ADGRB1: variants seen among roughly 807,000 people sequenced by gnomAD.
The protein encoded by ADGRB1 is brain-specific angiogenesis inhibitor 1.
Under a neutral mutation model 175.7 loss-of-function variants are expected in ADGRB1, and 36 were observed. That is an observed-to-expected ratio of 0.20 (90% CI 0.16 to 0.27). The LOEUF (loss-of-function observed/expected upper bound fraction) is 0.27. ADGRB1 is among the 10% of genes least tolerant of loss of function. ADGRB1 has a pLI of 1.00. For synonymous variants in ADGRB1, 1,054 were observed against 979.4 expected, an observed-to-expected ratio of 1.08 and a Z score of -1.42; for missense variants, 1,731 against 2,255.3, an observed-to-expected ratio of 0.77 and a Z score of 4.71.
At chr8:142,512,743 G>C (rs185006455) in intron 18 of ADGRB1, among the ~76,000 whole-genome samples, 1 of 152,240 alleles carries the variant, frequency 6.6e-6, no homozygotes, top group Non-Finnish European at 1.5e-5. Flanking sequence ...TCCCAGGAAC[G>C]GGGCAGTCCC....
rs1845425070 is a variant in ADGRB1 at position 142,543,733 on chromosome 8, GT to G, written c.4557+26del. 6.9e-7 allele frequency: 1 copy of G among 1,456,050 alleles called. No individual in the cohort carries two copies. Among genetic ancestry groups the G allele is most frequent in the Non-Finnish European group, 9.4e-7 (1 of 1,062,206 alleles). 90.2% of individuals were successfully genotyped at this position (1,456,050 alleles called of 1,614,324 possible). A position where few individuals can be genotyped will look rare whatever the true frequency, so the allele number is the denominator to read the frequency against. On this transcript the variant is annotated intron_variant, in intron 30 of 30. Transcript: ENST00000517894. This position sits in a 1 kb window ranked among gnomAD's most constrained non-coding sequence, Gnocchi z 4.4. ...GGTCTGGAGGGCAGGGAGGGGCGGG[GT>G]GGGGAGAGCCCTTAGGTCAGGCCAC...
Position 142,542,508 on chromosome 8 carries a change from C to G in ADGRB1, c.4274C>G (p.Pro1425Arg). ...CCACCGCCACCACCTCCCCAGCAGC[C>G]CCTGCCCCCACCGCCCAATCTGGAG... ...PPPPPPPPQQ[P>R]LPPPPNLEPA... Residue 1425 changes from proline to arginine, a missense_variant, in exon 28 of 31, where the codon CCC becomes CGC. Physicochemically the swap from Pro to Arg is moderately radical, Grantham distance 103. Around this residue, in one of 8 missense-constraint regions of ADGRB1, gnomAD observed 394 missense variants for 410.2 expected, o/e 0.96. Transcript: ENST00000517894. The surrounding 1 kb of genome is among the most constrained non-coding windows in gnomAD (Gnocchi z 6.3). 7.0e-7 allele frequency: 1 copy of G among 1,437,806 alleles called. No individual in the cohort carries two copies. The highest frequency in any genetic ancestry group is 9.2e-7 in the Non-Finnish European group (1 of 1,092,854). The allele number at this position is 1,437,806 out of a possible 1,614,324, so 89.1% of individuals were successfully genotyped here. A position where few individuals can be genotyped will look rare whatever the true frequency, so the allele number is the denominator to read the frequency against.
Position 142,464,082 on chromosome 8 carries a change from C to CCCCCA in ADGRB1, c.-114_-113insCACCC. 8.9e-6 allele frequency: 3 copies of CCCCCA among 337,448 alleles called. No homozygotes were observed. Among genetic ancestry groups the CCCCCA allele is most frequent in the Non-Finnish European group, 1.3e-5 (3 of 222,264 alleles). 20.9% of individuals were successfully genotyped at this position (337,448 alleles called of 1,614,324 possible). A position where few individuals can be genotyped will look rare whatever the true frequency, so the allele number is the denominator to read the frequency against. ...GGGGCCCTCTCCCATCCCACCCTTGCCCCGCCTCCCTGCCCCCACCGGGCC... is the reference window on the plus strand; with the variant it reads ...GGGGCCCTCTCCCATCCCACCCTTGCCCCCACCCGCCTCCCTGCCCCCACCGGGCC... On this transcript the variant is annotated 5_prime_UTR_variant, in exon 2 of 31. Transcript: ENST00000517894.
At position 142,489,401 on chromosome 8, in the gene ADGRB1, G is replaced by A. The variant is rs781228120; in HGVS notation, c.2594G>A (p.Arg865His). The change falls in exon 16 of 31, where the codon CGC becomes CAC. Residue 865 changes from arginine to histidine, a missense_variant. Around this residue, in one of 8 missense-constraint regions of ADGRB1, gnomAD observed 388 missense variants for 630.9 expected, o/e 0.61. Transcript: ENST00000517894. Reference protein sequence around the residue: ...VTVKPPPRSLRTPLEIEFAHM... With the variant: ...VTVKPPPRSLHTPLEIEFAHM... ...GTGAAACCCCCGCCTCGCTCCCTGC[G>A]CACACCCTTGGAGATCGAGTTTGCC... The A allele has an allele frequency of 1.8e-5, 29 of 1,612,818 alleles. No individual in the cohort carries two copies. Among genetic ancestry groups the A allele is most frequent in the Middle Eastern group, 1.6e-4 (1 of 6,082 alleles).
chr8:142,529,549 C>G (rs1482372164), intron 24 of ADGRB1, among the ~76,000 whole-genome samples: 1 of 151,952 alleles, frequency 6.6e-6, no homozygotes, highest in African/African-American at 2.4e-5. Context: ...TGCAAGCATG[C>G]ATCTATGTGT....
chr8:142,501,228 CAGT>C (rs1842510026), intron 17 of ADGRB1, among the ~76,000 whole-genome samples: 1 of 152,042 alleles, frequency 6.6e-6, no homozygotes, highest in African/African-American at 2.4e-5. Flanking sequence ...GTTGTGGTGA[CAGT>C]GGTGGTAATG....
chr8:142,524,353 CA>C, intron 23 of ADGRB1, 49 bp downstream of exon 23: 1 of 1,527,888 alleles, frequency 6.5e-7, no homozygotes, highest in Middle Eastern at 2.0e-4. Flanking sequence ...CTGGGCCCCC[CA>C]CCTGCCTCCT....
intron 25 of ADGRB1, among the ~76,000 whole-genome samples, chr8:142,533,706 G>A (rs920032104): frequency 1.2e-4 from 19 of 152,308 alleles, no homozygotes; most frequent in South Asian, 2.1e-4. Flanking sequence ...CCCTGCGCCC[G>A]CACTGGCTTG....
chr8:142,540,982 C>A (rs1035756286), intron 27 of ADGRB1, among the ~76,000 whole-genome samples: 1 of 152,060 alleles, frequency 6.6e-6, no homozygotes, highest in Non-Finnish European at 1.5e-5. Flanking sequence ...GCATTGGTGA[C>A]CCTGGGGCCC....
At chr8:142,536,610 A>G (rs1260098978) in intron 25 of ADGRB1, among the ~76,000 whole-genome samples, 4 of 152,032 alleles carry the variant, frequency 2.6e-5, no homozygotes, top group African/African-American at 9.7e-5. Context: ...GGCTCAGAGG[A>G]GGCAACGACA....
chr8:142,493,857 C>G lies in ADGRB1; in HGVS notation c.2675+3042C>G, dbSNP rs1842093465. 6.6e-6 allele frequency among the ~76,000 whole-genome samples: 1 copy of G among 152,232 alleles called. No homozygotes were observed. The highest frequency in any genetic ancestry group is 6.5e-5 in the Admixed American group (1 of 15,290). On this transcript the variant is annotated intron_variant, in intron 17 of 30. Transcript: ENST00000517894. The surrounding 1 kb of genome is among the most constrained non-coding windows in gnomAD (Gnocchi z 5.0). ...CCCCTCCACTCTGAGTTGGATGGCACCTCCCTTGACTGCTGCAGGGGCCAC... is the reference window on the plus strand; with the variant it reads ...CCCCTCCACTCTGAGTTGGATGGCAGCTCCCTTGACTGCTGCAGGGGCCAC...
At position 142,533,404 on chromosome 8, in the gene ADGRB1, G is replaced by A. The variant is rs1164121347; in HGVS notation, c.3508G>A (p.Ala1170Thr). ...CTCCGCCCTCTTCCAGATCCTCTTC[G>A]CTGTCTTCGACTCGCTGGAGGGCTT... ...RRSALFQILF[A>T]VFDSLEGFVI... Residue 1170 changes from alanine (A) to threonine (T), a missense_variant, in exon 25 of 31, where the codon GCT becomes ACT. By Grantham distance (58) the Ala-to-Thr change is moderately conservative. Coordinates refer to ENST00000517894, the MANE Select transcript of ADGRB1 (RefSeq NM_001702.3). 7 of 1,612,504 alleles carry A rather than the reference G, an allele frequency of 4.3e-6. No individual in the cohort carries two copies. Among genetic ancestry groups the A allele is most frequent in the South Asian group, 3.3e-5 (3 of 91,036 alleles).
At position 142,544,339 on chromosome 8, in the gene ADGRB1, C is replaced by G; in HGVS notation, c.4677C>G (p.Arg1559=). The change falls in exon 31 of 31, where the codon CGC becomes CGG. Residue 1559 remains arginine, a synonymous_variant. Transcript: ENST00000517894. ...EPLQPSPLEL[R]SVEWERSGAT... is the part of the protein sequence containing the mutation. ...TGCAGCCGTCGCCGCTGGAGCTTCG[C>G]AGCGTGGAGTGGGAGAGGTCGGGCG... The G allele has an allele frequency of 1.3e-6, 2 of 1,547,816 alleles. No homozygotes were observed. The highest frequency in any genetic ancestry group is 8.7e-7 in the Non-Finnish European group (1 of 1,145,776).
intron 2 of ADGRB1, among the ~76,000 whole-genome samples, chr8:142,469,144 T>C (rs1349092842): frequency 1.8e-5 from 2 of 111,368 alleles, no homozygotes; most frequent in Non-Finnish European, 3.6e-5. Flanking sequence ...TGTGCATGTG[T>C]GTGCATGCGT....
At chr8:142,514,752 C>T (rs1843321099) in intron 18 of ADGRB1, among the ~76,000 whole-genome samples, 1 of 152,060 alleles carries the variant, frequency 6.6e-6, no homozygotes, top group Non-Finnish European at 1.5e-5. Flanking sequence ...TGACTGGGAT[C>T]AAGGCTCAGA....
At chr8:142,520,399 AT>A (rs1843736743) in intron 19 of ADGRB1, among the ~76,000 whole-genome samples, 1 of 2,822 alleles carries the variant, frequency 3.5e-4, no homozygotes, top group African/African-American at 1.3e-3. Flanking sequence ...AGTGATTGTG[AT>A]GTTGGTAATG....
At position 142,543,859 on chromosome 8, in the gene ADGRB1, C is replaced by T. The variant is rs558897768; in HGVS notation, c.4557+151C>T. On this transcript the variant is annotated intron_variant, in intron 30 of 30. Transcript: ENST00000517894. This position sits in a 1 kb window ranked among gnomAD's most constrained non-coding sequence, Gnocchi z 4.4. Reference sequence around the variant, plus strand: ...TCATTCGCCCATCCCTGAGGGCTGGCCTGACCCTGCCATGCCAGACTCTGG... The same window carrying T: ...TCATTCGCCCATCCCTGAGGGCTGGTCTGACCCTGCCATGCCAGACTCTGG... 6.6e-6 allele frequency among the ~76,000 whole-genome samples: 1 copy of T among 152,256 alleles called. No homozygotes were observed. Among genetic ancestry groups the T allele is most frequent in the Non-Finnish European group, 1.5e-5 (1 of 68,006 alleles).
rs568579769 is a variant in ADGRB1, at chr8:142,521,857, G to A, written c.3025-108G>A. 2.2e-6 allele frequency: 3 copies of A among 1,342,082 alleles called. No homozygotes were observed. In the East Asian group the frequency reaches 7.5e-5, roughly 34 times the overall value. The allele number at this position is 1,342,082 out of a possible 1,614,324, so 83.1% of individuals were successfully genotyped here. A position where few individuals can be genotyped will look rare whatever the true frequency, so the allele number is the denominator to read the frequency against. ...TGCCTGGGGACCTGGTTGGGTCCCA[G>A]TGAGGGTGCTGGGTGCTGGGCTGCC... On this transcript the variant is annotated intron_variant, in intron 20 of 30. Transcript: ENST00000517894.
chr8:142,522,799 T>C, intron 22 of ADGRB1, 89 bp downstream of exon 22: 2 of 1,290,608 alleles, frequency 1.5e-6, no homozygotes, highest in Non-Finnish European at 2.0e-6. Flanking sequence ...GGCCATGCCC[T>C]CCCCCCGTGT....
Sources: allele counts gnomAD v4.1 joint callset (sites outside exome capture counted in the v4.1 genomes callset), GRCh38; gene constraint gnomAD v4.1.1; regional missense constraint gnomAD v4.1.1; non-coding constraint Gnocchi (gnomAD v3.1); transcripts MANE v1.5; gene names NCBI Gene and HGNC (gene_info 2026-07-23, HGNC 2026-07-21).